The following MYO1D variants were observed in gnomAD, a reference collection of about 807,000 sequenced individuals.
MYO1D encodes the protein unconventional myosin-Id.
A neutral mutation model predicts 122.0 loss-of-function variants in MYO1D; 83 were observed. The observed-to-expected ratio is 0.68, with a 90% CI of 0.57 to 0.82. The LOEUF (loss-of-function observed/expected upper bound fraction) is 0.82. Ranked by LOEUF, MYO1D falls within the 40% of genes least tolerant of loss-of-function variation. The pLI is 0.00. For synonymous variants in MYO1D, 464 were observed against 446.9 expected, an observed-to-expected ratio of 1.04 and a Z score of -0.48; for missense variants, 1,157 against 1,269.5, an observed-to-expected ratio of 0.91 and a Z score of 1.35.
At chr17:32,533,873 TAAATTA>T (rs1426744369) in intron 21 of MYO1D, among the ~76,000 whole-genome samples, 1 of 152,202 alleles carries the variant, frequency 6.6e-6, no homozygotes, top group Non-Finnish European at 1.5e-5. Flanking sequence ...CATCATAGCA[TAAATTA>T]AAATTAAAAA....
At chr17:32,559,882 T>C (rs1228558896) in intron 21 of MYO1D, among the ~76,000 whole-genome samples, 1 of 152,264 alleles carries the variant, frequency 6.6e-6, no homozygotes, top group East Asian at 1.9e-4. Flanking sequence ...GACTCTTCAG[T>C]GTCACTGTCT....
chr17:32,552,276 T>C (rs1386536508), intron 21 of MYO1D, among the ~76,000 whole-genome samples: 1 of 152,178 alleles, frequency 6.6e-6, no homozygotes, highest in Non-Finnish European at 1.5e-5. Context: ...GGGGTCTTAC[T>C]ATATTGCCCA....
intron 21 of MYO1D, among the ~76,000 whole-genome samples, chr17:32,599,738 C>T (rs182373374): frequency 5.2e-4 from 79 of 152,202 alleles, no homozygotes; most frequent in African/African-American, 1.7e-3. Context: ...CTGCAACCTC[C>T]GCCTCCCAGG....
chr17:32,597,108 T>G (rs949541183), intron 21 of MYO1D, among the ~76,000 whole-genome samples: 1 of 152,252 alleles, frequency 6.6e-6, no homozygotes, highest in African/African-American at 2.4e-5. Flanking sequence ...GAGAGATTGT[T>G]CACTTGGACA....
chr17:32,851,525 C>T (rs946577739), intron 1 of MYO1D, among the ~76,000 whole-genome samples: 2 of 152,224 alleles, frequency 1.3e-5, no homozygotes, highest in Admixed American at 6.5e-5. Flanking sequence ...TGCAACCTGG[C>T]TAACTCCCTA....
intron 19 of MYO1D, among the ~76,000 whole-genome samples, chr17:32,652,754 A>G (rs981766837): frequency 2.0e-5 from 3 of 152,192 alleles, no homozygotes; most frequent in Non-Finnish European, 4.4e-5. Flanking sequence ...CATTCATAGC[A>G]GGTAACTTTT....
At position 32,775,895 on chromosome 17, in the gene MYO1D, C is replaced by G. The variant is rs879069092; in HGVS notation, c.533G>C (p.Gly178Ala). ...TAGTAAGTAGTTATTGATATGCCCACCAATAGGGTCACCCTTGAAGTCAAA... is the reference window on the plus strand; with the variant it reads ...TAGTAAGTAGTTATTGATATGCCCAGCAATAGGGTCACCCTTGAAGTCAAA... ...INFDFKGDPI[G>A]GHINNYLLEK... is the part of the protein sequence containing the mutation. The change falls in exon 4 of 22, where the codon GGT becomes GCT. Residue 178 changes from glycine (G) to alanine (A), a missense_variant. Gly to Ala is a moderately conservative substitution (Grantham distance 60, BLOSUM62 0). Transcript: ENST00000318217. 6.2e-7 allele frequency: 1 copy of G among 1,613,206 alleles called. No individual in the cohort carries two copies.
chr17:32,764,415 T>C (rs1251011418), intron 8 of MYO1D, among the ~76,000 whole-genome samples: 1 of 152,140 alleles, frequency 6.6e-6, no homozygotes, highest in East Asian at 1.9e-4. Context: ...TAAGAGTGGA[T>C]TTTAAATGTT....
intron 19 of MYO1D, among the ~76,000 whole-genome samples, chr17:32,644,270 T>C (rs1266007104): frequency 6.6e-6 from 1 of 152,032 alleles, no homozygotes; most frequent in African/African-American, 2.4e-5. Flanking sequence ...ATTGCACAGG[T>C]CTGAGAGACA....
intron 1 of MYO1D, among the ~76,000 whole-genome samples, chr17:32,834,211 G>T (rs1393733215): frequency 6.6e-6 from 1 of 152,200 alleles, no homozygotes; most frequent in Non-Finnish European, 1.5e-5. Flanking sequence ...ACAACAGACA[G>T]AAGTCCCAGA....
intron 16 of MYO1D, among the ~76,000 whole-genome samples, chr17:32,698,675 T>C (rs1390424390): frequency 1.3e-5 from 2 of 152,112 alleles, no homozygotes; most frequent in Non-Finnish European, 2.9e-5. Context: ...TCACTGAAAA[T>C]GATTACACTA....
chr17:32,497,878 C>T (rs950361373), intron 21 of MYO1D: 1 of 152,464 alleles, frequency 6.6e-6, no homozygotes, highest in East Asian at 1.9e-4. Context: ...TTTCCCTCTC[C>T]CTGTCCTACT....
intron 21 of MYO1D, among the ~76,000 whole-genome samples, chr17:32,499,696 C>T (rs1413703714): frequency 1.3e-5 from 2 of 152,036 alleles, no homozygotes; most frequent in Non-Finnish European, 2.9e-5. Context: ...TGGTGGCTCA[C>T]ACCTGTAATC....
intron 1 of MYO1D, among the ~76,000 whole-genome samples, chr17:32,812,619 A>G (rs2090581774): frequency 6.6e-6 from 1 of 151,322 alleles, no homozygotes; most frequent in Admixed American, 6.6e-5. Flanking sequence ...AGAGACAAGT[A>G]GAGTACCAGG....
chr17:32,812,157 G>C (rs1390983620), intron 1 of MYO1D, among the ~76,000 whole-genome samples: 1 of 152,192 alleles, frequency 6.6e-6, no homozygotes, highest in Non-Finnish European at 1.5e-5. Context: ...TTCTGAGTTT[G>C]AGTTTACTTT....
chr17:32,616,208 C>A (rs1379905980), intron 20 of MYO1D, among the ~76,000 whole-genome samples: 1 of 152,154 alleles, frequency 6.6e-6, no homozygotes, highest in African/African-American at 2.4e-5. Flanking sequence ...AGGAACTGTG[C>A]CTGGATTGAA....
intron 13 of MYO1D, among the ~76,000 whole-genome samples, chr17:32,740,122 A>C (rs1567618854): frequency 6.6e-6 from 1 of 152,224 alleles, no homozygotes; most frequent in Non-Finnish European, 1.5e-5. Flanking sequence ...AAATAATTTA[A>C]GGCAACGTTC....
At chr17:32,601,416 G>A (rs1004567022) in intron 21 of MYO1D, among the ~76,000 whole-genome samples, 1 of 152,126 alleles carries the variant, frequency 6.6e-6, no homozygotes, top group African/African-American at 2.4e-5. Context: ...CAGTCAGAAC[G>A]CACACGACAT....
At chr17:32,573,604 C>A (rs1407394284) in intron 21 of MYO1D, among the ~76,000 whole-genome samples, 2 of 152,018 alleles carry the variant, frequency 1.3e-5, no homozygotes, top group Non-Finnish European at 2.9e-5. Flanking sequence ...ACTGCAGCCT[C>A]GAACTCCTGG....
Sources: gnomAD v4.1 joint callset for allele counts (sites outside exome capture counted in the v4.1 genomes callset) on GRCh38, gnomAD v4.1.1 for gene constraint, MANE v1.5 for transcripts, NCBI Gene and HGNC (gene_info 2026-07-23, HGNC 2026-07-21) for gene names.